Variants in EVI5 observed in about 807,000 individuals in gnomAD.
EVI5 encodes ecotropic viral integration site 5, also known as ecotropic viral integration site 5 protein homolog.
Under a neutral mutation model 112.0 loss-of-function variants are expected in EVI5, and 73 were observed. The observed-to-expected ratio is 0.65, with a 90% CI of 0.54 to 0.79. The LOEUF (loss-of-function observed/expected upper bound fraction) is 0.79, where lower values mean the gene tolerates loss of function less well. Among genes scored for constraint, EVI5 ranks in the 30% least tolerant of loss-of-function variants. The pLI is 0.00. For synonymous variants in EVI5, 305 were observed against 319.9 expected (o/e 0.95, Z 0.50); for missense variants, 900 against 968.8 (o/e 0.93, Z 0.94).
intron 14 of EVI5, among the ~76,000 whole-genome samples, chr1:92,630,844 T>C (rs1316008768): frequency 6.6e-6 from 1 of 152,194 alleles, no homozygotes; most frequent in Non-Finnish European, 1.5e-5. Flanking sequence ...TTAATTTTTG[T>C]ATAAGGTGTA....
chr1:92,731,315 T>C (rs1386332019), intron 2 of EVI5, among the ~76,000 whole-genome samples: 1 of 152,056 alleles, frequency 6.6e-6, no homozygotes, highest in Non-Finnish European at 1.5e-5. Context: ...TGAGGCCCCA[T>C]TTCAAAAAAA....
At chr1:92,735,624 ATATATGATATATGT>A (rs1404344760) in intron 2 of EVI5, among the ~76,000 whole-genome samples, 1 of 136,912 alleles carries the variant, frequency 7.3e-6, no homozygotes, top group African/African-American at 2.7e-5. Context: ...TAATTATATG[ATATATGATATATGT>A]CATATATATA....
chr1:92,548,559 C>T (rs1219596825), intron 19 of EVI5, among the ~76,000 whole-genome samples: 3 of 152,064 alleles, frequency 2.0e-5, no homozygotes, highest in East Asian at 1.9e-4. Flanking sequence ...TCAAATTGTC[C>T]CTGTTTGCAG....
chr1:92,574,599 G>A (rs1354559072), intron 18 of EVI5, among the ~76,000 whole-genome samples: 1 of 152,092 alleles, frequency 6.6e-6, no homozygotes, highest in East Asian at 1.9e-4. Context: ...AAAAACACTG[G>A]GGAGGTAAGA....
chr1:92,677,369 C>T, intron 9 of EVI5, 151 bp from the exon 10 acceptor site: 1 of 490,848 alleles, frequency 2.0e-6, no homozygotes, highest in Non-Finnish European at 3.5e-6. Flanking sequence ...TGAGAAAAAT[C>T]ATGTGGCTTC....
At chr1:92,691,688 ATGGAGCAAAGACC>A (rs1669527459) in intron 9 of EVI5, among the ~76,000 whole-genome samples, 1 of 152,218 alleles carries the variant, frequency 6.6e-6, no homozygotes, top group African/African-American at 2.4e-5. Flanking sequence ...GGAATAATTA[ATGGAGCAAAGACC>A]TGGAAGAGAT....
intron 1 of EVI5, chr1:92,749,241 G>T: frequency 2.9e-6 from 1 of 349,290 alleles, no homozygotes; most frequent in South Asian, 2.3e-5. Context: ...GTTGCTTCCT[G>T]GGTGTTTTAC....
intron 13 of EVI5, among the ~76,000 whole-genome samples, chr1:92,652,888 G>T (rs952300845): frequency 1.3e-5 from 2 of 152,206 alleles, no homozygotes; most frequent in African/African-American, 4.8e-5. Context: ...GAAGCTGGCA[G>T]AGATCGGCTA....
At position 92,703,842 on chromosome 1, in the gene EVI5, T is replaced by C; in HGVS notation, c.340-223A>G. 1.5e-5 allele frequency: 7 copies of C among 457,260 alleles called. No homozygotes were observed. In the Admixed American group the frequency reaches 3.1e-4, roughly 20 times the overall value. The allele number at this position is 457,260 out of a possible 1,614,324, so 28.3% of individuals were successfully genotyped here. On this transcript the variant is annotated intron_variant, in intron 3 of 19. Coordinates refer to ENST00000684568, the MANE Select transcript of EVI5 (RefSeq NM_001350197.2). ...GGGGATTAATAATGATCATTTCACC[T>C]CAGTGTGTGACCTCTTAAGGTAATG... is the stretch of plus-strand genomic sequence containing the variant.
intron 13 of EVI5, among the ~76,000 whole-genome samples, chr1:92,637,983 A>G (rs369507088): frequency 5.0e-4 from 76 of 152,354 alleles, no homozygotes; most frequent in African/African-American, 1.7e-3. Flanking sequence ...TTTATCAATT[A>G]GGAAAAAGGC....
chr1:92,520,368 TGTGA>T (rs1256982258), intron 19 of EVI5, among the ~76,000 whole-genome samples: 5 of 152,186 alleles, frequency 3.3e-5, no homozygotes, highest in African/African-American at 1.2e-4. Context: ...GCTGTTCTGT[TGTGA>T]GTGACAGTTA....
chr1:92,519,627 T>C (rs982214726), intron 19 of EVI5, among the ~76,000 whole-genome samples: 13 of 152,138 alleles, frequency 8.5e-5, no homozygotes, highest in African/African-American at 2.9e-4. Context: ...GTGCAGTGGC[T>C]CATGACTGTA....
At chr1:92,756,686 C>A in intron 1 of EVI5, 2 of 499,720 alleles carry the variant, frequency 4.0e-6, no homozygotes, top group South Asian at 3.1e-5. Context: ...GTCAAACAGT[C>A]ACATAGACCT....
At chr1:92,575,144 T>C (rs1190056275) in intron 18 of EVI5, among the ~76,000 whole-genome samples, 2 of 152,206 alleles carry the variant, frequency 1.3e-5, no homozygotes, top group Non-Finnish European at 1.5e-5. Context: ...TTCAAATCTA[T>C]AGAAGAGCAG....
intron 19 of EVI5, among the ~76,000 whole-genome samples, chr1:92,552,920 T>A (rs543198396): frequency 1.3e-5 from 2 of 152,256 alleles, no homozygotes; most frequent in African/African-American, 4.8e-5. Context: ...ATGTTTTCAT[T>A]AATTAACCCC....
intron 13 of EVI5, among the ~76,000 whole-genome samples, chr1:92,653,038 T>C (rs1457816978): frequency 6.6e-6 from 1 of 152,104 alleles, no homozygotes; most frequent in African/African-American, 2.4e-5. Context: ...GTGTGGGCAG[T>C]GATTTGGGGA....
intron 18 of EVI5, among the ~76,000 whole-genome samples, chr1:92,593,652 A>C (rs2101358614): frequency 6.6e-6 from 1 of 152,302 alleles, no homozygotes; most frequent in Middle Eastern, 3.4e-3. Flanking sequence ...AGATGACATG[A>C]TTGTATATCT....
rs765938018 is a variant in EVI5 at position 92,636,329 on chromosome 1, C to G, written c.1400G>C (p.Cys467Ser). 18 of 1,613,338 alleles carry G rather than the reference C, an allele frequency of 1.1e-5. No individual in the cohort carries two copies. The East Asian group carries it at 3.8e-4, about 34-fold the overall frequency. ...AAAATCTTCGTTGTAGTTGGAACTG[C>G]ATTTATGCTAAAGGTTACAGACATA... ...KLQHQQQWHK[C>S]SSNYNEDFVL... The change falls in exon 14 of 20, where the codon TGC becomes TCC. Residue 467 changes from cysteine to serine, a missense_variant. Cys to Ser is a moderately radical substitution (Grantham distance 112). Coordinates refer to ENST00000684568, the MANE Select transcript of EVI5 (RefSeq NM_001350197.2).
intron 13 of EVI5, among the ~76,000 whole-genome samples, chr1:92,649,724 G>C (rs1183197589): frequency 6.6e-6 from 1 of 152,134 alleles, no homozygotes; most frequent in African/African-American, 2.4e-5. Context: ...TGAGGTGAGA[G>C]GATCATTTGA....
Sources: allele counts gnomAD v4.1 joint callset (sites outside exome capture counted in the v4.1 genomes callset), GRCh38; gene constraint gnomAD v4.1.1; transcripts MANE v1.5; gene names NCBI Gene and HGNC (gene_info 2026-07-23, HGNC 2026-07-21).